LCP1: variants seen among roughly 807,000 people sequenced by gnomAD.
The protein encoded by LCP1 is lymphocyte cytosolic protein 1.
Under a neutral mutation model 72.0 loss-of-function variants are expected in LCP1, and 23 were observed. That is an observed-to-expected ratio of 0.32 (90% confidence interval 0.23 to 0.45). LCP1 has a LOEUF of 0.45. Ranked by LOEUF, LCP1 falls within the 20% of genes least tolerant of loss-of-function variation. The probability of loss-of-function intolerance (pLI) is 1.00; values close to 1 mark genes in which losing one functional copy is unlikely to be tolerated. For synonymous variants in LCP1, 245 were observed against 275.4 expected (o/e 0.89, Z 1.09); for missense variants, 571 against 748.3 (o/e 0.76, Z 2.76).
At position 46,162,239 on chromosome 13, in the gene LCP1, T is replaced by TTCTCCCTCGCCC. The variant is rs1566443392; in HGVS notation, c.-24-2554_-24-2553insGGGCGAGGGAGA. Reference sequence around the variant, plus strand: ...ATCCATTTATTCACTAAACAATGAGTTCTCCCTCTCCCTCCCCCTCCCCCT... The same window carrying TTCTCCCTCGCCC: ...ATCCATTTATTCACTAAACAATGAGTTCTCCCTCGCCCTCTCCCTCTCCCTCCCCCTCCCCCT... On this transcript the variant is annotated intron_variant, in intron 1 of 15. Transcript: ENST00000323076. 1.1e-3 allele frequency among the ~76,000 whole-genome samples: 150 copies of TTCTCCCTCGCCC among 142,506 alleles called. 1 individual carries two copies. The highest frequency in any genetic ancestry group is 3.8e-3 in the African/African-American group (142 of 37,856). 93.5% of individuals were successfully genotyped at this position (142,506 alleles called of 152,430 possible).
chr13:46,178,956 CTT>C (rs1593968744), intron 1 of LCP1, among the ~76,000 whole-genome samples: 2 of 152,162 alleles, frequency 1.3e-5, no homozygotes, highest in Non-Finnish European at 2.9e-5. Context: ...GGCCTGTACT[CTT>C]TAGGTAACAA....
At chr13:46,129,700 G>A (rs2045622182) in intron 15 of LCP1, among the ~76,000 whole-genome samples, 1 of 152,100 alleles carries the variant, frequency 6.6e-6, no homozygotes, top group Admixed American at 6.6e-5. Flanking sequence ...TTATAAAGCA[G>A]GGATGCCGGG....
chr13:46,159,168 C>T, intron 2 of LCP1, 179 bp from the exon 3 acceptor site: 1 of 600,766 alleles, frequency 1.7e-6, no homozygotes. Flanking sequence ...AATAGGGGCA[C>T]CAGCATTACT....
At chr13:46,171,454 G>A (rs975175263) in intron 1 of LCP1, among the ~76,000 whole-genome samples, 6 of 152,120 alleles carry the variant, frequency 3.9e-5, no homozygotes, top group African/African-American at 1.4e-4. Flanking sequence ...ATGTGTCTTC[G>A]GTTTCTCAAC....
intron 4 of LCP1, among the ~76,000 whole-genome samples, chr13:46,158,263 C>T (rs2045815915): frequency 6.6e-6 from 1 of 152,002 alleles, no homozygotes; most frequent in East Asian, 1.9e-4. Flanking sequence ...TAATTTTGTC[C>T]ATAAGATTTA....
At chr13:46,150,651 A>T (rs2138247279) in intron 8 of LCP1, among the ~76,000 whole-genome samples, 1 of 152,300 alleles carries the variant, frequency 6.6e-6, no homozygotes, top group East Asian at 1.9e-4. Flanking sequence ...TTACTTGGAC[A>T]GCAGACTGTT....
chr13:46,163,648 A>AC (rs1394254260), intron 1 of LCP1, among the ~76,000 whole-genome samples: 72 of 152,050 alleles, frequency 4.7e-4, no homozygotes, highest in African/African-American at 1.7e-3. Context: ...AAAAAAAAAA[A>AC]AAAACAATGA....
intron 4 of LCP1, among the ~76,000 whole-genome samples, chr13:46,158,257 T>C (rs1275638969): frequency 6.6e-6 from 1 of 152,200 alleles, no homozygotes; most frequent in African/African-American, 2.4e-5. Context: ...AGTAGCTAAT[T>C]TTGTCCATAA....
chr13:46,155,955 T>C (rs1281114814), intron 5 of LCP1, among the ~76,000 whole-genome samples: 2 of 152,222 alleles, frequency 1.3e-5, no homozygotes, highest in Non-Finnish European at 2.9e-5. Flanking sequence ...CAAAAATATA[T>C]AACCAGGAAA....
At position 46,148,354 on chromosome 13, in the gene LCP1, G is replaced by T; in HGVS notation, c.976C>A (p.Arg326=). The T allele has an allele frequency of 6.2e-7, 1 of 1,609,626 alleles. No homozygotes were observed. Among genetic ancestry groups the T allele is most frequent in the Non-Finnish European group, 8.5e-7 (1 of 1,176,706 alleles). ...PAVVIDMSGL[R]EKDDIQRAEC... ...ACACAACTGGGACCTGGCCTTACCCGCAGTCCTGACATGTCAATAACAACA... is the reference window on the plus strand; with the variant it reads ...ACACAACTGGGACCTGGCCTTACCCTCAGTCCTGACATGTCAATAACAACA... Residue 326 remains arginine (R), a splice_region_variant and synonymous_variant, in exon 9 of 16, where the codon CGG becomes AGG. Transcript: ENST00000323076.
intron 1 of LCP1, among the ~76,000 whole-genome samples, chr13:46,180,196 G>A (rs1306931319): frequency 6.6e-6 from 1 of 152,106 alleles, no homozygotes; most frequent in African/African-American, 2.4e-5. Flanking sequence ...AGTGACCTAT[G>A]GCCGGTTCCT....
chr13:46,131,769 C>T (rs375024097), intron 14 of LCP1, among the ~76,000 whole-genome samples: 3 of 152,102 alleles, frequency 2.0e-5, no homozygotes, highest in East Asian at 3.9e-4. Flanking sequence ...AAACCAAATA[C>T]TGCATCTATT....
At chr13:46,131,375 G>C (rs1033009622) in intron 14 of LCP1, among the ~76,000 whole-genome samples, 8 of 152,208 alleles carry the variant, frequency 5.3e-5, no homozygotes, top group African/African-American at 1.9e-4. Context: ...TGAGGTTGTG[G>C]AGAAAAGGGA....
In LCP1 at chr13:46,156,586, T is replaced by G; in HGVS notation, c.359-16A>C. 4.3e-6 allele frequency: 7 copies of G among 1,614,000 alleles called. No homozygotes were observed. The highest frequency in any genetic ancestry group is 5.9e-6 in the Non-Finnish European group (7 of 1,179,948). Reference sequence around the variant, plus strand: ...TTTTCTTCCTCTGCAAGTAAATGATTAAAGTGACTCATTTGCAAAGTGAAA... The same window carrying G: ...TTTTCTTCCTCTGCAAGTAAATGATGAAAGTGACTCATTTGCAAAGTGAAA... On this transcript the variant is annotated splice_polypyrimidine_tract_variant and intron_variant, in intron 4 of 15. Coordinates refer to ENST00000323076, the MANE Select transcript of LCP1 (RefSeq NM_002298.5).
chr13:46,180,837 A>T (rs937889536), intron 1 of LCP1, among the ~76,000 whole-genome samples: 4 of 152,248 alleles, frequency 2.6e-5, no homozygotes, highest in Non-Finnish European at 5.9e-5. Context: ...AAAATAAGAC[A>T]CAACATATTT....
chr13:46,132,637 G>A (rs2045640956), intron 14 of LCP1, among the ~76,000 whole-genome samples: 1 of 152,046 alleles, frequency 6.6e-6, no homozygotes, highest in African/African-American at 2.4e-5. Flanking sequence ...ATCTCTTTCT[G>A]GAAGAATCTG....
chr13:46,132,095 C>T (rs2045637614), intron 14 of LCP1, among the ~76,000 whole-genome samples: 1 of 119,636 alleles, frequency 8.4e-6, no homozygotes, highest in South Asian at 2.9e-4. Context: ...TCTTTCAGTA[C>T]ATTATGTGGC....
intron 1 of LCP1, among the ~76,000 whole-genome samples, chr13:46,177,902 T>C (rs1450892136): frequency 1.5e-5 from 2 of 135,860 alleles, no homozygotes; most frequent in African/African-American, 2.8e-5. Flanking sequence ...GATGATGATA[T>C]GATGACACAG....
intron 9 of LCP1, 151 bp from the exon 10 acceptor site, chr13:46,147,254 A>G (rs2045736760): frequency 6.5e-6 from 4 of 618,564 alleles, no homozygotes; most frequent in Non-Finnish European, 1.0e-5. Context: ...GCCTATATGC[A>G]CCTGCACCAA....
Sources: gnomAD v4.1 joint callset for allele counts (sites outside exome capture counted in the v4.1 genomes callset) on GRCh38, gnomAD v4.1.1 for gene constraint, MANE v1.5 for transcripts, NCBI Gene and HGNC (gene_info 2026-07-23, HGNC 2026-07-21) for gene names.